The following POLB variants were observed in gnomAD, a reference collection of about 807,000 sequenced individuals.
POLB encodes DNA polymerase beta.
In POLB, 37 loss-of-function variants were observed where a neutral mutation model predicts 52.7. That is an observed-to-expected ratio of 0.70 (90% CI 0.54 to 0.92). The LOEUF is 0.92. POLB is among the 40% of genes least tolerant of loss of function. The pLI is 0.00. For synonymous variants in POLB, 138 were observed against 131.3 expected (o/e 1.05, Z -0.35); for missense variants, 313 against 400.8 (o/e 0.78, Z 1.87).
chr8:42,348,658 G>T (rs544471394), intron 3 of POLB, among the ~76,000 whole-genome samples: 1 of 152,250 alleles, frequency 6.6e-6, no homozygotes, highest in Non-Finnish European at 1.5e-5. Context: ...TCTAAAGGAA[G>T]TTTATGAATA....
intron 6 of POLB, chr8:42,354,307 T>C: frequency 2.5e-6 from 1 of 403,438 alleles, no homozygotes; most frequent in Non-Finnish European, 4.7e-6. Context: ...ATAAAGATGC[T>C]TATTTTTCTC....
intron 7 of POLB, among the ~76,000 whole-genome samples, 190 bp from the exon 8 acceptor site, chr8:42,356,979 T>G (rs1823353223): frequency 6.6e-6 from 1 of 152,202 alleles, no homozygotes; most frequent in African/African-American, 2.4e-5. Context: ...TTATCCAGTT[T>G]AGGAATAAAC....
chr8:42,363,664 A>C (rs930694405), intron 11 of POLB, among the ~76,000 whole-genome samples: 12 of 152,124 alleles, frequency 7.9e-5, no homozygotes, highest in Admixed American at 4.6e-4. Context: ...TCTCTGATTC[A>C]GAATTCTTCA....
intron 2 of POLB, among the ~76,000 whole-genome samples, chr8:42,341,008 G>A (rs1822168771): frequency 6.6e-6 from 1 of 152,190 alleles, no homozygotes; most frequent in Admixed American, 6.5e-5. Flanking sequence ...ATTGAGACAT[G>A]AAGGGTATAA....
intron 2 of POLB, among the ~76,000 whole-genome samples, chr8:42,344,495 T>C (rs1175055873): frequency 1.4e-5 from 2 of 147,736 alleles, no homozygotes; most frequent in African/African-American, 2.5e-5. Flanking sequence ...GTTAGACATA[T>C]ATTAGGTGGT....
At chr8:42,355,047 G>A (rs1823217489) in intron 6 of POLB, among the ~76,000 whole-genome samples, 1 of 151,660 alleles carries the variant, frequency 6.6e-6, no homozygotes, top group African/African-American at 2.4e-5. Context: ...TGTTGTCGTT[G>A]TTGTTTTTCG....
At chr8:42,367,256 G>A (rs1183665437) in intron 11 of POLB, among the ~76,000 whole-genome samples, 2 of 152,174 alleles carry the variant, frequency 1.3e-5, no homozygotes, top group Non-Finnish European at 2.9e-5. Context: ...ATAAATATGT[G>A]AATTATATAA....
At position 42,355,554 on chromosome 8, in the gene POLB, C is replaced by A; in HGVS notation, c.409C>A (p.Arg137=). The A allele has an allele frequency of 3.1e-6, 5 of 1,592,568 alleles. No individual in the cohort carries two copies. The highest frequency in any genetic ancestry group is 4.3e-6 in the Non-Finnish European group (5 of 1,161,316). The change falls in exon 7 of 14, where the codon CGA becomes AGA. Residue 137 remains arginine (R), a synonymous_variant. Transcript: ENST00000265421. ...TGAAGATAAATTGAACCATCATCAGCGAATTGGGCTGAAGTAAGATGGCAG... is the reference window on the plus strand; with the variant it reads ...TGAAGATAAATTGAACCATCATCAGAGAATTGGGCTGAAGTAAGATGGCAG... ...KNEDKLNHHQ[R]IGLKYFGDFE...
chr8:42,343,345 A>AATATATATATATATATATATAT (rs1554531634), intron 2 of POLB, among the ~76,000 whole-genome samples: 1 of 33,054 alleles, frequency 3.0e-5, no homozygotes, highest in African/African-American at 5.9e-5. Context: ...AAAAAAAAAA[A>AATATATATATATATATATATAT]ATATATATAT....
At chr8:42,360,434 C>T (rs533697812) in intron 9 of POLB, among the ~76,000 whole-genome samples, 3 of 152,146 alleles carry the variant, frequency 2.0e-5, no homozygotes, top group African/African-American at 7.2e-5. Flanking sequence ...AGATTGGATT[C>T]TTTTATGCTG....
At chr8:42,358,397 G>A (rs1284129908) in intron 9 of POLB, among the ~76,000 whole-genome samples, 1 of 151,960 alleles carries the variant, frequency 6.6e-6, no homozygotes, top group Non-Finnish European at 1.5e-5. Context: ...AGCTCCTCGG[G>A]CGGCTGAGGC....
rs1822880009 is a variant in POLB at position 42,350,081 on chromosome 8, TA to T, written c.320+18del. On this transcript the variant is annotated intron_variant, in intron 5 of 13. Transcript: ENST00000265421. Reference sequence around the variant, plus strand: ...GTGGCATTGGGTAAGAACTATTTTTTAAGCAGACACAATCGTCAGTTAGTTT... The same window carrying T: ...GTGGCATTGGGTAAGAACTATTTTTTAGCAGACACAATCGTCAGTTAGTTT... 1 of 1,522,862 alleles carries T rather than the reference TA, an allele frequency of 6.6e-7. No individual in the cohort carries two copies. Among genetic ancestry groups the T allele is most frequent in the Non-Finnish European group, 9.1e-7 (1 of 1,096,618 alleles). The allele number at this position is 1,522,862 out of a possible 1,614,324, so 94.3% of individuals were successfully genotyped here.
intron 9 of POLB, among the ~76,000 whole-genome samples, chr8:42,360,223 C>G (rs961235047): frequency 2.0e-5 from 3 of 152,066 alleles, no homozygotes; most frequent in South Asian, 2.1e-4. Flanking sequence ...TCCCAAAGTG[C>G]TAGGATTACA....
chr8:42,343,353 T>A (rs1208072059), intron 2 of POLB, among the ~76,000 whole-genome samples: 210 of 31,092 alleles, frequency 6.8e-3, no homozygotes, highest in African/African-American at 0.01. Context: ...AAAATATATA[T>A]ATATATATAT....
intron 3 of POLB, among the ~76,000 whole-genome samples, chr8:42,347,803 A>G (rs1362462912): frequency 6.6e-6 from 1 of 152,206 alleles, no homozygotes; most frequent in East Asian, 1.9e-4. Flanking sequence ...AAACTTGAAT[A>G]TGCTTTCAGT....
rs754715505 is a variant in POLB at position 42,369,248 on chromosome 8, T to G, written c.709-23T>G. ...CCTTAAGTTTAGAACATCTTTAAAC[T>G]TGGTTTAAAATGTTCATTTTAGGGT... is the stretch of plus-strand genomic sequence containing the variant. On this transcript the variant is annotated intron_variant, in intron 11 of 13. Coordinates refer to ENST00000265421, the MANE Select transcript of POLB (RefSeq NM_002690.3). 13 of 1,435,766 alleles carry G rather than the reference T, an allele frequency of 9.1e-6. No homozygotes were observed. The Admixed American group carries it at 2.1e-4, about 23-fold the overall frequency. The allele number at this position is 1,435,766 out of a possible 1,614,324, so 88.9% of individuals were successfully genotyped here. A position where few individuals can be genotyped will look rare whatever the true frequency, so the allele number is the denominator to read the frequency against.
At chr8:42,359,184 G>A (rs1823519732) in intron 9 of POLB, among the ~76,000 whole-genome samples, 1 of 151,986 alleles carries the variant, frequency 6.6e-6, no homozygotes, top group African/African-American at 2.4e-5. Context: ...ATGGATTCTT[G>A]TAACGTTTCT....
chr8:42,368,451 G>A (rs1303991539), intron 11 of POLB, among the ~76,000 whole-genome samples: 1 of 152,222 alleles, frequency 6.6e-6, no homozygotes, highest in Non-Finnish European at 1.5e-5. Context: ...CACTCTTGAG[G>A]ACCAGAAGCT....
intron 11 of POLB, among the ~76,000 whole-genome samples, chr8:42,362,988 G>T (rs1823803913): frequency 6.6e-6 from 1 of 152,142 alleles, no homozygotes; most frequent in Non-Finnish European, 1.5e-5. Flanking sequence ...GCCGGGCGTG[G>T]TGGCGCATGC....
Sources: allele counts gnomAD v4.1 joint callset (sites outside exome capture counted in the v4.1 genomes callset), GRCh38; gene constraint gnomAD v4.1.1; transcripts MANE v1.5; gene names NCBI Gene and HGNC (gene_info 2026-07-23, HGNC 2026-07-21).